The following EXD3 variants were observed in gnomAD, a reference collection of about 807,000 sequenced individuals.
EXD3 encodes exonuclease mut-7 homolog.
EXD3 carries 92 observed loss-of-function variants against 98.0 expected under a neutral mutation model. The ratio of observed to expected loss-of-function variants is 0.94; its 90% CI spans 0.79 to 1.12. The LOEUF is 1.12. Among genes scored for constraint, EXD3 ranks in the 50% most tolerant of loss-of-function variants. EXD3 has a pLI of 0.00. For synonymous variants in EXD3, 569 were observed against 526.0 expected, an observed-to-expected ratio of 1.08 and a Z score of -1.12; for missense variants, 1,222 against 1,191.6, an observed-to-expected ratio of 1.03 and a Z score of -0.38.
intron 1 of EXD3, among the ~76,000 whole-genome samples, chr9:137,406,166 A>T (rs988063566): frequency 6.6e-6 from 1 of 151,742 alleles, no homozygotes; most frequent in East Asian, 1.9e-4. Context: ...CGGTGACCCA[A>T]GATTGGGCCA....
intron 5 of EXD3, among the ~76,000 whole-genome samples, chr9:137,372,580 C>T (rs912093090): frequency 2.0e-5 from 3 of 152,218 alleles, no homozygotes; most frequent in African/African-American, 7.2e-5. Context: ...CGTGGCTGGA[C>T]CAAAGCTCAG....
At position 137,351,474 on chromosome 9, in the gene EXD3, C is replaced by T; in HGVS notation, c.1228G>A (p.Gly410Ser). Residue 410 changes from glycine (G) to serine (S), a missense_variant, in exon 13 of 22, where the codon GGC (glycine) becomes AGC (serine). Transcript: ENST00000340951. ...VEWTPVFVAG[G>S]RPRPSLLQVA... ...TGCAGGAGTGACGGCCGAGGCCGGCCCCCAGCAACAAACACAGGTGTCCAC... is the reference window on the plus strand; with the variant it reads ...TGCAGGAGTGACGGCCGAGGCCGGCTCCCAGCAACAAACACAGGTGTCCAC... 13 of 1,600,276 alleles carry T rather than the reference C, an allele frequency of 8.1e-6. No homozygotes were observed. The highest frequency in any genetic ancestry group is 1.1e-5 in the Non-Finnish European group (13 of 1,174,870).
At chr9:137,334,691 A>G (rs1833263671) in intron 17 of EXD3, among the ~76,000 whole-genome samples, 2 of 152,206 alleles carry the variant, frequency 1.3e-5, no homozygotes. Flanking sequence ...TTTGACTAGA[A>G]CCACAAAAGC....
intron 16 of EXD3, 93 bp from the exon 17 acceptor site, chr9:137,348,331 T>C (rs377169281): frequency 1.6e-5 from 21 of 1,316,628 alleles, no homozygotes; most frequent in Middle Eastern, 4.9e-4. Flanking sequence ...TGGCCAGCAC[T>C]CTGTCTCTGT....
chr9:137,383,249 C>A, intron 3 of EXD3, 64 bp downstream of exon 3: 1 of 1,377,234 alleles, frequency 7.3e-7, no homozygotes, highest in South Asian at 1.2e-5. Context: ...TTAGGCCAGT[C>A]TCTGCCCAAC....
chr9:137,342,539 C>T (rs1276047022), intron 17 of EXD3, among the ~76,000 whole-genome samples: 3 of 152,122 alleles, frequency 2.0e-5, no homozygotes, highest in African/African-American at 7.2e-5. Context: ...GAGGTTTTTA[C>T]TGGGGGGTGG....
chr9:137,367,831 C>T (rs1835348874), intron 6 of EXD3, 105 bp downstream of exon 6: 1 of 1,124,756 alleles, frequency 8.9e-7, no homozygotes, highest in Non-Finnish European at 1.3e-6. Context: ...CTGCTGTCCC[C>T]CACTGTGGCT....
intron 17 of EXD3, among the ~76,000 whole-genome samples, chr9:137,337,878 C>T (rs940059268): frequency 6.6e-6 from 1 of 151,878 alleles, no homozygotes; most frequent in South Asian, 2.1e-4. Flanking sequence ...AGCTCCACCT[C>T]CCGGGTTCAT....
At chr9:137,330,075 A>ACACAGGAG in intron 17 of EXD3, among the ~76,000 whole-genome samples, 1 of 118,098 alleles carries the variant, frequency 8.5e-6, no homozygotes, top group African/African-American at 3.8e-5. Flanking sequence ...CTACACAGGA[A>ACACAGGAG]CTACACAGGA....
chr9:137,318,653 T>C (rs1274828269), intron 19 of EXD3, among the ~76,000 whole-genome samples: 1 of 150,610 alleles, frequency 6.6e-6, no homozygotes, highest in East Asian at 2.0e-4. Flanking sequence ...CCCTGCCCTC[T>C]ACTTGAGACC....
At chr9:137,411,217 A>AG (rs1837981777) in intron 1 of EXD3, among the ~76,000 whole-genome samples, 2 of 152,094 alleles carry the variant, frequency 1.3e-5, no homozygotes, top group African/African-American at 2.4e-5. Flanking sequence ...CAGGCGTGGG[A>AG]GGGGCACGCA....
At chr9:137,392,035 A>G (rs1836945257) in intron 2 of EXD3, 1 of 152,218 alleles carries the variant, frequency 6.6e-6, no homozygotes, top group East Asian at 1.9e-4. Flanking sequence ...GGGTTTCACC[A>G]TGTTGGCCAG....
intron 17 of EXD3, among the ~76,000 whole-genome samples, chr9:137,330,354 A>C (rs1024117540): frequency 1.4e-5 from 2 of 143,390 alleles, no homozygotes; most frequent in Non-Finnish European, 3.0e-5. Flanking sequence ...ACACAGGACT[A>C]CACAGGAGCT....
intron 19 of EXD3, among the ~76,000 whole-genome samples, chr9:137,320,113 C>T (rs752059960): frequency 1.2e-4 from 19 of 152,206 alleles, no homozygotes; most frequent in Non-Finnish European, 2.4e-4. Flanking sequence ...TGGTTCTGTC[C>T]TCACCGCACA....
At chr9:137,422,743 C>T (rs2131858942) in intron 1 of EXD3, among the ~76,000 whole-genome samples, 1 of 152,106 alleles carries the variant, frequency 6.6e-6, no homozygotes, top group African/African-American at 2.4e-5. Context: ...GCAGGGCGGG[C>T]GCGCGCGCGT....
rs199678520 is a variant in EXD3 at position 137,349,126 on chromosome 9, G to A, written c.1814C>T (p.Pro605Leu). ...TTCACCCACCTGCCTGGGTGCGGCC[G>A]GTGCTGACGCTTTCTGCAGGCCGGG... Reference protein sequence around the residue: ...KPPGLQKASAPAAPRQVPVAV... With the variant: ...KPPGLQKASALAAPRQVPVAV... Residue 605 changes from proline to leucine, a missense_variant, in exon 16 of 22, where the codon CCG becomes CTG. Coordinates refer to ENST00000340951, the MANE Select transcript of EXD3 (RefSeq NM_017820.5). The surrounding 1 kb of genome is among the most constrained non-coding windows in gnomAD (Gnocchi z 7.4). The A allele has an allele frequency of 4.7e-4, 752 of 1,597,694 alleles. 3 individuals carry two copies. The African/African-American group carries it at 6.4e-3, about 14-fold the overall frequency.
chr9:137,321,580 G>A (rs1478785322), intron 19 of EXD3, among the ~76,000 whole-genome samples: 2 of 152,214 alleles, frequency 1.3e-5, no homozygotes, highest in Non-Finnish European at 2.9e-5. Context: ...CTACTCAGGA[G>A]CCTGAGGTGG....
intron 14 of EXD3, 25 bp downstream of exon 14, chr9:137,351,013 T>C: frequency 6.5e-7 from 1 of 1,545,346 alleles, no homozygotes; most frequent in Non-Finnish European, 8.7e-7. Context: ...CCCGGCATCT[T>C]GTGAGCGGCT....
At position 137,357,980 on chromosome 9, in the gene EXD3, C is replaced by A. The variant is rs181291434; in HGVS notation, c.657-1612G>T. 8.8e-4 allele frequency among the ~76,000 whole-genome samples: 134 copies of A among 152,154 alleles called. No homozygotes were observed. In the Middle Eastern group the frequency reaches 0.01, roughly 12 times the overall value. ...CTGCCTGCTTTATATTCCAGCCTTG[C>A]TGGCAGCTGATGAGACGGTGCCCAC... On this transcript the variant is annotated intron_variant, in intron 7 of 21. Coordinates refer to ENST00000340951, the MANE Select transcript of EXD3 (RefSeq NM_017820.5).
Sources: allele counts gnomAD v4.1 joint callset (sites outside exome capture counted in the v4.1 genomes callset), GRCh38; gene constraint gnomAD v4.1.1; non-coding constraint Gnocchi (gnomAD v3.1); transcripts MANE v1.5; gene names NCBI Gene and HGNC (gene_info 2026-07-23, HGNC 2026-07-21).